Variants in INO80 observed in about 807,000 individuals in gnomAD.
The protein encoded by INO80 is chromatin-remodeling ATPase INO80.
A neutral mutation model predicts 203.4 loss-of-function variants in INO80; 20 were observed. The observed-to-expected ratio is 0.10, with a 90% confidence interval of 0.07 to 0.14. The LOEUF (loss-of-function observed/expected upper bound fraction) is 0.14, where lower values mean the gene tolerates loss of function less well. Ranked by LOEUF, INO80 falls within the 10% of genes least tolerant of loss-of-function variation. The pLI is 1.00. For missense variants in INO80, 1,419 were observed against 1,914.4 expected (o/e 0.74, Z 4.83); for synonymous variants, 726 against 685.2 (o/e 1.06, Z -0.93).
At position 41,081,247 on chromosome 15, in the gene INO80, T is replaced by C. The variant is rs374063674; in HGVS notation, c.874-174A>G. 3.3e-4 allele frequency among the ~76,000 whole-genome samples: 50 copies of C among 152,154 alleles called. 1 individual carries two copies. Among genetic ancestry groups the C allele is most frequent in the Non-Finnish European group, 2.1e-4 (14 of 68,038 alleles). On this transcript the variant is annotated intron_variant, in intron 7 of 35. Transcript: ENST00000648947. Reference sequence around the variant, plus strand: ...TGTCTCAACGCCATACATAAAACGATTAAAGAAGCATTCAAGAAGAATAAG... The same window carrying C: ...TGTCTCAACGCCATACATAAAACGACTAAAGAAGCATTCAAGAAGAATAAG...
chr15:41,055,802 T>C (rs1329722219), intron 17 of INO80, among the ~76,000 whole-genome samples: 2 of 152,198 alleles, frequency 1.3e-5, no homozygotes, highest in East Asian at 1.9e-4. Context: ...TATTGAAACA[T>C]AGCCATGGCC....
At chr15:41,064,224 C>G (rs1478731739) in intron 14 of INO80, among the ~76,000 whole-genome samples, 3 of 152,144 alleles carry the variant, frequency 2.0e-5, no homozygotes, top group Non-Finnish European at 2.9e-5. Flanking sequence ...GACATATAAA[C>G]ACTGACAATA....
intron 23 of INO80, among the ~76,000 whole-genome samples, chr15:41,045,315 G>A (rs116683307): frequency 0.015 from 2,301 of 152,114 alleles, 57 homozygotes; most frequent in African/African-American, 0.054. Context: ...TTTGCCAGGC[G>A]CAGTGGCTCA....
chr15:41,054,690 G>A (rs1294144018), intron 18 of INO80, among the ~76,000 whole-genome samples: 1 of 152,154 alleles, frequency 6.6e-6, no homozygotes, highest in Non-Finnish European at 1.5e-5. Flanking sequence ...CCAGGCTGGA[G>A]TGCAATGATG....
intron 14 of INO80, among the ~76,000 whole-genome samples, chr15:41,066,204 C>T (rs2140576100): frequency 6.6e-6 from 1 of 151,968 alleles, no homozygotes; most frequent in African/African-American, 2.4e-5. Context: ...TTTAGAACTC[C>T]CGACCTCAGG....
At chr15:41,012,561 T>TTAAAAAAAAAAAA (rs552096950) in intron 27 of INO80, among the ~76,000 whole-genome samples, 1 of 90,808 alleles carries the variant, frequency 1.1e-5, no homozygotes, top group African/African-American at 4.1e-5. Flanking sequence ...AGACTCTTTT[T>TTAAAAAAAAAAAA]AAAAAAAAAA....
At position 40,987,771 on chromosome 15, in the gene INO80, T is replaced by G. The variant is rs143432016; in HGVS notation, c.3729+45A>C. The stretch of plus-strand genomic sequence containing the variant: ...CAATGCAGTCAATGTGGTTGGACTT[T>G]CTGTTTGCTCCACCAGTGTAGGAAT... On this transcript the variant is annotated intron_variant, in intron 30 of 35. Transcript: ENST00000648947. 350 of 1,575,084 alleles carry G rather than the reference T, an allele frequency of 2.2e-4. 4 individuals are homozygous for G. In the East Asian group the frequency reaches 7.9e-3, roughly 35 times the overall value.
At position 41,092,207 on chromosome 15, in the gene INO80, T is replaced by C; in HGVS notation, c.382-25A>G. 1.9e-6 allele frequency: 3 copies of C among 1,557,536 alleles called. No individual in the cohort carries two copies. The South Asian group carries it at 3.5e-5, about 18-fold the overall frequency. ...TCTGAAAAGGGTGAAAATAGAAATG[T>C]ATCTTTTGCTGTGAAGCAATCCCAT... On this transcript the variant is annotated intron_variant, in intron 4 of 35. Coordinates refer to ENST00000648947, the MANE Select transcript of INO80 (RefSeq NM_017553.3).
intron 14 of INO80, among the ~76,000 whole-genome samples, chr15:41,062,776 G>T (rs1451796037): frequency 6.6e-6 from 1 of 152,160 alleles, no homozygotes. Flanking sequence ...GATGCAACAA[G>T]AAGGCCCTTG....
rs746007400 is a variant in INO80, at chr15:41,070,489, G to A, written c.1664C>T (p.Ala555Val). The A allele has an allele frequency of 6.8e-6, 11 of 1,613,876 alleles. No individual in the cohort carries two copies. Among genetic ancestry groups the A allele is most frequent in the African/African-American group, 1.3e-5 (1 of 74,892 alleles). Residue 555 changes from alanine to valine, a missense_variant, in exon 13 of 36, where the codon GCC (alanine) becomes GTC (valine). Physicochemically the swap from Ala to Val is moderately conservative, Grantham distance 64. This residue lies in a region of INO80 where 192 missense variants were observed against 406.7 expected (regional missense o/e 0.47). Coordinates refer to ENST00000648947, the MANE Select transcript of INO80 (RefSeq NM_017553.3). ...MGLGKTVQSIALLAHLAEREN... is the reference protein window; with the variant it reads ...MGLGKTVQSIVLLAHLAEREN... Reference sequence around the variant, plus strand: ...CACCTCAGCCAGATGGGCCAGAAGGGCAATGCTCTGTACTGTTTTACCAAG... The same window carrying A: ...CACCTCAGCCAGATGGGCCAGAAGGACAATGCTCTGTACTGTTTTACCAAG...
intron 9 of INO80, among the ~76,000 whole-genome samples, chr15:41,078,846 A>C (rs552036063): frequency 6.6e-6 from 1 of 152,174 alleles, no homozygotes; most frequent in East Asian, 1.9e-4. Flanking sequence ...CTGCAAGTTA[A>C]AACAGTAAAG....
At chr15:41,021,832 G>A (rs1438845667) in intron 25 of INO80, among the ~76,000 whole-genome samples, 1 of 152,218 alleles carries the variant, frequency 6.6e-6, no homozygotes, top group African/African-American at 2.4e-5. Flanking sequence ...CTCAGCTGCT[G>A]CTCACTCGAT....
At chr15:40,987,443 G>GA (rs969219624) in intron 30 of INO80, among the ~76,000 whole-genome samples, 4 of 151,984 alleles carry the variant, frequency 2.6e-5, no homozygotes, top group South Asian at 2.1e-4. Flanking sequence ...GAATCAGGAT[G>GA]AAAAAAACAA....
intron 26 of INO80, chr15:41,018,739 A>T (rs2044246624): frequency 1.3e-5 from 2 of 152,200 alleles, no homozygotes; most frequent in Admixed American, 1.3e-4. Flanking sequence ...GGTATTTGTT[A>T]GCCAAGTTTT....
At chr15:41,068,200 T>C (rs551512167) in intron 14 of INO80, among the ~76,000 whole-genome samples, 27 of 152,058 alleles carry the variant, frequency 1.8e-4, no homozygotes, top group Non-Finnish European at 3.2e-4. Context: ...CGCAGAAGGA[T>C]GACTAGAGGC....
chr15:40,989,202 C>T (rs10438298), intron 29 of INO80, among the ~76,000 whole-genome samples: 150,810 of 152,302 alleles, frequency 0.99, 74,686 homozygotes, highest in Middle Eastern at 1. Flanking sequence ...TGGGGCTATG[C>T]TGGAAACAGG....
At chr15:41,060,348 G>A (rs2045080078) in intron 14 of INO80, among the ~76,000 whole-genome samples, 1 of 152,170 alleles carries the variant, frequency 6.6e-6, no homozygotes, top group Non-Finnish European at 1.5e-5. Flanking sequence ...CAGCACTTTG[G>A]GAGGTCGAGG....
In INO80 at chr15:41,105,092, C is replaced by G. The variant is rs571236025; in HGVS notation, c.-43-8739G>C. ...TGAACTGTACACTAACTGGATCCTG[C>G]TTTTCAAACTGTAGATATTTAAGTC... is the stretch of plus-strand genomic sequence containing the variant. On this transcript the variant is annotated intron_variant, in intron 1 of 35. Transcript: ENST00000648947. 3.3e-5 allele frequency among the ~76,000 whole-genome samples: 5 copies of G among 152,174 alleles called. No individual in the cohort carries two copies. The South Asian group carries it at 1.0e-3, about 32-fold the overall frequency.
intron 1 of INO80, among the ~76,000 whole-genome samples, chr15:41,110,636 G>A (rs966458959): frequency 2.0e-5 from 3 of 152,106 alleles, no homozygotes; most frequent in African/African-American, 7.2e-5. Flanking sequence ...TTGGCATATT[G>A]CCCAGGCTGG....
Sources: allele counts gnomAD v4.1 joint callset (sites outside exome capture counted in the v4.1 genomes callset), GRCh38; gene constraint gnomAD v4.1.1; regional missense constraint gnomAD v4.1.1; transcripts MANE v1.5; gene names NCBI Gene and HGNC (gene_info 2026-07-23, HGNC 2026-07-21).